SAMMSON: variants seen among roughly 807,000 people sequenced by gnomAD.
SAMMSON encodes survival associated mitochondrial melanoma specific oncogenic non-coding RNA, also known as long intergenic non-protein coding RNA 1212.
intron 4 of SAMMSON, among the ~76,000 whole-genome samples, chr3:70,244,462 T>C (rs1701688314): frequency 6.6e-6 from 1 of 152,200 alleles, no homozygotes; most frequent in Non-Finnish European, 1.5e-5. Context: ...AGTAATCAAG[T>C]GCATCTGATG....
rs2067119164 is a variant in SAMMSON at position 70,045,014 on chromosome 3, ATAATT to A, written n.418-26461_418-26457del. On this transcript the variant is annotated intron_variant and non_coding_transcript_variant, in intron 3 of 9. Transcript: ENST00000642114. ...TAATTATATAATTAATTATATATAT[ATAATT>A]AATTATAATATATATTATAATTAAT... Among the ~76,000 whole-genome samples the A allele has an allele frequency of 8.5e-5, 11 of 129,742 alleles. No individual in the cohort carries two copies. In the South Asian group the frequency reaches 2.5e-3, roughly 29 times the overall value. The allele number at this position is 129,742 out of a possible 152,430, so 85.1% of individuals were successfully genotyped here.
chr3:70,418,919 T>TTTCCTTTC (rs1553664125), intron 2 of SAMMSON, among the ~76,000 whole-genome samples: 1 of 85,114 alleles, frequency 1.2e-5, no homozygotes, highest in Non-Finnish European at 2.3e-5. Context: ...ATGTTTGCTT[T>TTTCCTTTC]CTTTCCTTTC....
chr3:70,097,592 G>A (rs910764998), intron 4 of SAMMSON, among the ~76,000 whole-genome samples: 3 of 152,194 alleles, frequency 2.0e-5, no homozygotes, highest in Admixed American at 1.3e-4. Flanking sequence ...TGCCAAGACT[G>A]AAGTCACTTA....
Position 70,153,714 on chromosome 3 carries a change from A to G in SAMMSON, n.507+82149A>G, listed in dbSNP as rs146717031. ...CTTTTTACTATGGTAAAATATCATA[A>G]TATAAAGCATACCGTTTTAATCGTA... On this transcript the variant is annotated intron_variant and non_coding_transcript_variant, in intron 4 of 9. Coordinates refer to ENST00000642114, the Ensembl canonical transcript of SAMMSON. 5.4e-3 allele frequency among the ~76,000 whole-genome samples: 819 copies of G among 152,128 alleles called. 9 individuals are homozygous for G. Among genetic ancestry groups the G allele is most frequent in the African/African-American group, 0.019 (780 of 41,538 alleles).
At chr3:70,320,188 G>C (rs1702526595) in intron 7 of SAMMSON, among the ~76,000 whole-genome samples, 1 of 152,038 alleles carries the variant, frequency 6.6e-6, no homozygotes, top group South Asian at 2.1e-4. Context: ...CTACAGACAT[G>C]ATATAAGCTG....
chr3:70,354,566 G>C (rs1203490110), intron 8 of SAMMSON, among the ~76,000 whole-genome samples: 1 of 152,192 alleles, frequency 6.6e-6, no homozygotes, highest in Admixed American at 6.6e-5. Flanking sequence ...TGCTGAGGCT[G>C]CACCTTTCAG....
intron 4 of SAMMSON, among the ~76,000 whole-genome samples, chr3:70,091,034 A>G (rs906068208): frequency 1.3e-5 from 2 of 152,174 alleles, no homozygotes; most frequent in African/African-American, 4.8e-5. Context: ...CCTCTGAGAA[A>G]GGGGTCTTAT....
At chr3:70,181,509 A>T (rs1372087056) in intron 4 of SAMMSON, among the ~76,000 whole-genome samples, 3 of 152,152 alleles carry the variant, frequency 2.0e-5, no homozygotes. Flanking sequence ...ACTTGTGTAT[A>T]CTCAATCTTC....
At chr3:70,051,134 C>CAAAAAAAAAAAA (rs71126477) in intron 3 of SAMMSON, among the ~76,000 whole-genome samples, 6 of 45,236 alleles carry the variant, frequency 1.3e-4, no homozygotes, top group African/African-American at 2.4e-4. Flanking sequence ...TACTCCATCT[C>CAAAAAAAAAAAA]AAAAAAAAAA....
intron 4 of SAMMSON, among the ~76,000 whole-genome samples, chr3:70,107,051 GA>G (rs1168438844): frequency 6.6e-6 from 1 of 152,182 alleles, no homozygotes; most frequent in Non-Finnish European, 1.5e-5. Context: ...GCATTGTCTT[GA>G]GAGCTATGTG....
intron 4 of SAMMSON, among the ~76,000 whole-genome samples, chr3:70,192,311 T>C (rs1701136681): frequency 6.6e-6 from 1 of 152,184 alleles, no homozygotes; most frequent in Non-Finnish European, 1.5e-5. Flanking sequence ...CAGGCCTAAG[T>C]AGTTCTGCTT....
At chr3:70,172,936 C>A (rs1700974010) in intron 4 of SAMMSON, 1 of 151,944 alleles carries the variant, frequency 6.6e-6, no homozygotes. Context: ...GTCAGCTTTA[C>A]ACCTGTTATT....
intron 4 of SAMMSON, among the ~76,000 whole-genome samples, chr3:70,080,347 G>C (rs544045585): frequency 2.0e-5 from 3 of 152,126 alleles, no homozygotes; most frequent in Admixed American, 1.3e-4. Context: ...GCCTCTATTC[G>C]TCAGCAACCC....
At position 70,418,972 on chromosome 3, in the gene SAMMSON, TCCTTCC is replaced by T. The variant is rs1701288033; in HGVS notation, n.234-43587_234-43582del. On this transcript the variant is annotated intron_variant and non_coding_transcript_variant, in intron 2 of 3. Transcript: ENST00000641053. ...TTCCTTTCCTTTCCTTTCCTTTCCT[TCCTTCC>T]TTCTCTCTCTCTCTCTCTCTCTCTT... Among the ~76,000 whole-genome samples, 9 of 64,310 alleles carry T rather than the reference TCCTTCC, an allele frequency of 1.4e-4. No homozygotes were observed. The Admixed American group carries it at 1.5e-3, about 10-fold the overall frequency. The allele number at this position is 64,310 out of a possible 152,430, so 42.2% of individuals were successfully genotyped here.
intron 2 of SAMMSON, among the ~76,000 whole-genome samples, chr3:70,427,263 G>A (rs1447995092): frequency 6.6e-6 from 1 of 152,162 alleles, no homozygotes; most frequent in Non-Finnish European, 1.5e-5. Context: ...ATTCATTGTT[G>A]TAGTCATCTG....
intron 6 of SAMMSON, among the ~76,000 whole-genome samples, chr3:70,279,027 T>C (rs1038449268): frequency 2.6e-5 from 4 of 151,122 alleles, no homozygotes; most frequent in Non-Finnish European, 5.9e-5. Flanking sequence ...TATCAGTATC[T>C]AATTTTCTCC....
intron 4 of SAMMSON, among the ~76,000 whole-genome samples, chr3:70,117,174 A>G (rs2067415467): frequency 6.6e-6 from 1 of 152,230 alleles, no homozygotes; most frequent in South Asian, 2.1e-4. Flanking sequence ...AACCTCAAGG[A>G]AACTCTTTGC....
chr3:70,418,198 T>C (rs528757655), intron 2 of SAMMSON, among the ~76,000 whole-genome samples: 2 of 152,312 alleles, frequency 1.3e-5, no homozygotes, highest in Non-Finnish European at 2.9e-5. Flanking sequence ...AGAGGAGCAG[T>C]GTACAATGAA....
At chr3:70,246,600 G>A (rs1375091811) in intron 4 of SAMMSON, among the ~76,000 whole-genome samples, 1 of 151,964 alleles carries the variant, frequency 6.6e-6, no homozygotes, top group Admixed American at 6.6e-5. Context: ...CATGAAATAC[G>A]AGGAACATAC....
Sources: gnomAD v4.1 joint callset for allele counts (sites outside exome capture counted in the v4.1 genomes callset) on GRCh38, gnomAD v4.1.1 for gene constraint, MANE v1.5 for transcripts, NCBI Gene and HGNC (gene_info 2026-07-23, HGNC 2026-07-21) for gene names.